DNAH10: variants seen among roughly 807,000 people sequenced by gnomAD.
DNAH10 encodes dynein axonemal heavy chain 10, also known as axonemal beta dynein heavy chain 10.
In DNAH10, 348 loss-of-function variants were observed where a neutral mutation model predicts 506.6. That is an observed-to-expected ratio of 0.69 (90% CI 0.63 to 0.75). DNAH10 has a LOEUF of 0.75. Ranked by LOEUF, DNAH10 falls within the 30% of genes least tolerant of loss-of-function variation. DNAH10 has a pLI of 0.00. For synonymous variants in DNAH10, 2,059 were observed against 2,198.6 expected, an observed-to-expected ratio of 0.94 and a Z score of 1.78; for missense variants, 5,179 against 5,787.1, an observed-to-expected ratio of 0.89 and a Z score of 3.41.
chr12:123,910,552 T>C lies in DNAH10; in HGVS notation c.10014T>C (p.Leu3338=). 1 of 1,613,652 alleles carries C rather than the reference T, an allele frequency of 6.2e-7. No individual in the cohort carries two copies. Among genetic ancestry groups the C allele is most frequent in the Non-Finnish European group, 8.5e-7 (1 of 1,179,806 alleles). ...VKNIKGLLKT[L]NTTTEEMEAV... is the part of the protein sequence containing the mutation. ...TCACGTTAGGCCTCTTGAAGACTCT[T>C]AATACCACAACTGAAGAAATGGAAG... The change falls in exon 59 of 79, where the codon CTT becomes CTC. Residue 3338 remains leucine (L), a synonymous_variant. Transcript: ENST00000673944.
Position 123,916,461 on chromosome 12 carries a change from C to G in DNAH10, c.10727C>G (p.Ala3576Gly). 1.2e-6 allele frequency: 2 copies of G among 1,604,856 alleles called. No individual in the cohort carries two copies. Among genetic ancestry groups the G allele is most frequent in the South Asian group, 2.2e-5 (2 of 90,086 alleles). The change falls in exon 63 of 79, where the codon GCT becomes GGT. Residue 3576 changes from alanine (A) to glycine (G), a missense_variant. Ala to Gly is a moderately conservative substitution (Grantham distance 60, BLOSUM62 0). Around this residue, in one of 3 missense-constraint regions of DNAH10, gnomAD observed 4,844 missense variants for 5,430.5 expected, o/e 0.89. Transcript: ENST00000673944. The surrounding 1 kb of genome is among the most constrained non-coding windows in gnomAD (Gnocchi z 4.6). ...RKEEKNNLRV[A>G]SFNDPDFLKQ... ...TCTGCCTCCCTTCTCTTCCAGGTCG[C>G]TTCCTTTAATGACCCTGACTTCCTC...
At chr12:123,874,265 GTCCATCCATCCATCCA>G (rs34989387) in intron 46 of DNAH10, among the ~76,000 whole-genome samples, 4,022 of 145,590 alleles carry the variant, frequency 0.028, 95 homozygotes, top group African/African-American at 0.072. Flanking sequence ...GAGTCCGTCC[GTCCATCCATCCATCCA>G]TCCATCCATC....
At chr12:123,910,839 C>T (rs1218860597) in intron 59 of DNAH10, among the ~76,000 whole-genome samples, 167 bp downstream of exon 59, 1 of 150,702 alleles carries the variant, frequency 6.6e-6, no homozygotes, top group Non-Finnish European at 1.5e-5. Context: ...ACACCACTAT[C>T]ACTTAGGCAT....
chr12:123,917,547 G>C lies in DNAH10; in HGVS notation c.11003-37G>C. The C allele has an allele frequency of 6.5e-7, 1 of 1,539,494 alleles. No individual in the cohort carries two copies. Among genetic ancestry groups the C allele is most frequent in the Non-Finnish European group, 8.8e-7 (1 of 1,138,880 alleles). On this transcript the variant is annotated intron_variant, in intron 63 of 78. Coordinates refer to ENST00000673944, the MANE Select transcript of DNAH10 (RefSeq NM_001372106.1). This position sits in a 1 kb window ranked among gnomAD's most constrained non-coding sequence, Gnocchi z 5.6. ...GCAGCGGGAGAGACTGTTGTTGGGG[G>C]CCGCAGGTGGTGAGGGCCTCTCACT...
chr12:123,799,100 G>A (rs562647850), intron 13 of DNAH10, 146 bp from the exon 14 acceptor site: 55 of 372,582 alleles, frequency 1.5e-4, no homozygotes, highest in African/African-American at 1.3e-3. Context: ...GTGAGACTCC[G>A]TCTCCAAAAA....
intron 76 of DNAH10, 26 bp from the exon 77 acceptor site, chr12:123,933,305 C>T: frequency 6.8e-7 from 1 of 1,465,388 alleles, no homozygotes; most frequent in Non-Finnish European, 9.1e-7. Flanking sequence ...CCCAGGCTCC[C>T]AGCACTTGTC....
intron 18 of DNAH10, among the ~76,000 whole-genome samples, chr12:123,807,979 AGAGGGAGAGGGAGAGAGAGACGGGAG>A (rs1958770280): frequency 2.6e-5 from 4 of 150,982 alleles, no homozygotes; most frequent in African/African-American, 2.4e-5. Flanking sequence ...AGGTGGAGTG[AGAGGGAGAGGGAGAGAGAGACGGGAG>A]GAGGGAGAGG....
Position 123,785,712 on chromosome 12 carries a change from G to T in DNAH10, c.1231-34G>T. ...GAAACTATTTGGACCCCAAGGCTAAGGGCTCTTGCGTGGCTCTCTCCTCTC... is the reference window on the plus strand; with the variant it reads ...GAAACTATTTGGACCCCAAGGCTAATGGCTCTTGCGTGGCTCTCTCCTCTC... On this transcript the variant is annotated intron_variant, in intron 8 of 78. Coordinates refer to ENST00000673944, the MANE Select transcript of DNAH10 (RefSeq NM_001372106.1). This position sits in a 1 kb window ranked among gnomAD's most constrained non-coding sequence, Gnocchi z 4.1. 2 of 1,516,136 alleles carry T rather than the reference G, an allele frequency of 1.3e-6. No individual in the cohort carries two copies. Among genetic ancestry groups the T allele is most frequent in the South Asian group, 1.3e-5 (1 of 76,544 alleles). The allele number at this position is 1,516,136 out of a possible 1,614,324, so 93.9% of individuals were successfully genotyped here. A position where few individuals can be genotyped will look rare whatever the true frequency, so the allele number is the denominator to read the frequency against.
Position 123,887,172 on chromosome 12 carries a change from T to G in DNAH10, c.8854T>G (p.Ser2952Ala). 1 of 1,612,106 alleles carries G rather than the reference T, an allele frequency of 6.2e-7. No homozygotes were observed. The highest frequency in any genetic ancestry group is 1.1e-5 in the South Asian group (1 of 90,508). The change falls in exon 52 of 79, where the codon TCG (serine) becomes GCG (alanine). Residue 2952 changes from serine to alanine, a missense_variant. Ser to Ala is a moderately conservative substitution (Grantham distance 99). This residue lies in a region of DNAH10 where 4,844 missense variants were observed against 5,430.5 expected (regional missense o/e 0.89). Transcript: ENST00000673944. ...TGAGATCCTGCTGAGCCGAGGCTAC[T>G]CGGAGAACAGTTTCCGGGAAGACCT... Reference protein sequence around the residue: ...VFEILLSRGYSENSFREDLKS... With the variant: ...VFEILLSRGYAENSFREDLKS...
chr12:123,895,641 G>A (rs995278235), intron 54 of DNAH10, among the ~76,000 whole-genome samples: 2 of 152,160 alleles, frequency 1.3e-5, no homozygotes, highest in Non-Finnish European at 2.9e-5. Context: ...CAGGGGGCGG[G>A]CTGGATTTGT....
At position 123,781,433 on chromosome 12, in the gene DNAH10, C is replaced by A. The variant is rs376297367; in HGVS notation, c.841+134C>A. The A allele has an allele frequency of 1.3e-3, 1,092 of 842,672 alleles. 4 individuals carry two copies. The highest frequency in any genetic ancestry group is 5.1e-3 in the Middle Eastern group (14 of 2,736). 52.2% of individuals were successfully genotyped at this position (842,672 alleles called of 1,614,324 possible). A position where few individuals can be genotyped will look rare whatever the true frequency, so the allele number is the denominator to read the frequency against. ...TTTGTTTTGTGGAGACGGGGTCTCA[C>A]TTTGTCGCTCAGGCTGGCAAAAATC... On this transcript the variant is annotated intron_variant, in intron 6 of 78. Transcript: ENST00000673944.
chr12:123,767,135 C>T (rs538231197), intron 1 of DNAH10, among the ~76,000 whole-genome samples: 4 of 152,052 alleles, frequency 2.6e-5, no homozygotes, highest in South Asian at 4.2e-4. Flanking sequence ...CTCGAGCTCC[C>T]GATCTCAAGT....
chr12:123,881,739 G>C lies in DNAH10; in HGVS notation c.8749G>C (p.Ala2917Pro). The change falls in exon 51 of 79, where the codon GCC (alanine) becomes CCC (proline). Residue 2917 changes from alanine (A) to proline (P), a missense_variant. Coordinates refer to ENST00000673944, the MANE Select transcript of DNAH10 (RefSeq NM_001372106.1). ...TATCATCCGCATGGACCGCGGCCAC[G>C]CCCTGCTGGTCGGGGTAGGGGGCTC... ...HRIIRMDRGHALLVGVGGSGK... is the reference protein window; with the variant it reads ...HRIIRMDRGHPLLVGVGGSGK... 6.5e-7 allele frequency: 1 copy of C among 1,547,530 alleles called. No homozygotes were observed. The highest frequency in any genetic ancestry group is 8.7e-7 in the Non-Finnish European group (1 of 1,145,322).
chr12:123,817,830 T>C lies in DNAH10; in HGVS notation c.3781-1120T>C, dbSNP rs141352770. 1.1e-3 allele frequency among the ~76,000 whole-genome samples: 163 copies of C among 152,330 alleles called. 1 individual carries two copies. Among genetic ancestry groups the C allele is most frequent in the African/African-American group, 3.1e-3 (128 of 41,572 alleles). ...TTATTTTTGCTTCTAACAGACACCATAACTGGGTACATTAGCAAGCTAAGC... is the reference window on the plus strand; with the variant it reads ...TTATTTTTGCTTCTAACAGACACCACAACTGGGTACATTAGCAAGCTAAGC... On this transcript the variant is annotated intron_variant, in intron 21 of 78. Transcript: ENST00000673944.
chr12:123,851,380 C>G (rs976186115), intron 35 of DNAH10, among the ~76,000 whole-genome samples: 4 of 150,186 alleles, frequency 2.7e-5, no homozygotes, highest in African/African-American at 9.9e-5. Flanking sequence ...GTGGCTCTTC[C>G]AGACTGGGGA....
intron 71 of DNAH10, 34 bp downstream of exon 71, chr12:123,929,518 C>T: frequency 6.3e-7 from 1 of 1,599,966 alleles, no homozygotes; most frequent in Non-Finnish European, 8.5e-7. Flanking sequence ...GAAATGGCTT[C>T]CTTAGGCGGC....
At chr12:123,896,668 C>T (rs138534261) in intron 54 of DNAH10, among the ~76,000 whole-genome samples, 2 of 146,316 alleles carry the variant, frequency 1.4e-5, no homozygotes, top group East Asian at 4.1e-4. Context: ...GAAGACAGGG[C>T]TTCCTAACAG....
At chr12:123,812,212 G>T (rs1565934920) in intron 19 of DNAH10, among the ~76,000 whole-genome samples, 1 of 152,124 alleles carries the variant, frequency 6.6e-6, no homozygotes, top group Non-Finnish European at 1.5e-5. Flanking sequence ...AGTACTTTGG[G>T]AGGCCGAGGT....
intron 55 of DNAH10, among the ~76,000 whole-genome samples, chr12:123,898,409 C>T (rs1953353559): frequency 6.6e-6 from 1 of 152,202 alleles, no homozygotes; most frequent in Admixed American, 6.5e-5. Context: ...CAGCAGCATG[C>T]ACTGCCGGAC....
Sources: gnomAD v4.1 joint callset for allele counts (sites outside exome capture counted in the v4.1 genomes callset) on GRCh38, gnomAD v4.1.1 for gene constraint, gnomAD v4.1.1 regional missense constraint, Gnocchi (gnomAD v3.1) non-coding constraint, MANE v1.5 for transcripts, NCBI Gene and HGNC (gene_info 2026-07-23, HGNC 2026-07-21) for gene names.